Variants in SYNPO2 observed in about 807,000 individuals in gnomAD.
SYNPO2 encodes synaptopodin-2.
In SYNPO2, 56 loss-of-function variants were observed where a neutral mutation model predicts 85.0. The ratio of observed to expected loss-of-function variants is 0.66; its 90% CI spans 0.53 to 0.82. The LOEUF (loss-of-function observed/expected upper bound fraction) is 0.82, where lower values mean the gene tolerates loss of function less well. Among genes scored for constraint, SYNPO2 ranks in the 40% least tolerant of loss-of-function variants. The pLI is 0.00. For synonymous variants in SYNPO2, 602 were observed against 591.1 expected, an observed-to-expected ratio of 1.02 and a Z score of -0.27; for missense variants, 1,575 against 1,534.2, an observed-to-expected ratio of 1.03 and a Z score of -0.44.
At chr4:118,863,022 G>C (rs1000665774) in intron 1 of SYNPO2, among the ~76,000 whole-genome samples, 2 of 152,096 alleles carry the variant, frequency 1.3e-5, no homozygotes, top group African/African-American at 2.4e-5. Flanking sequence ...TCTTGGCCAG[G>C]CTGCTCTGGA....
intron 1 of SYNPO2, among the ~76,000 whole-genome samples, chr4:118,876,513 A>G (rs1444399989): frequency 1.3e-5 from 2 of 152,184 alleles, no homozygotes; most frequent in African/African-American, 2.4e-5. Context: ...CAAGATGCCA[A>G]GGAGGCATCT....
At chr4:119,050,964 T>G (rs544532596) in intron 4 of SYNPO2, among the ~76,000 whole-genome samples, 1 of 152,298 alleles carries the variant, frequency 6.6e-6, no homozygotes, top group East Asian at 1.9e-4. Context: ...TGCATTAGCC[T>G]TGCCCAACAA....
chr4:118,976,177 G>A (rs1231517105), intron 1 of SYNPO2, among the ~76,000 whole-genome samples: 1 of 151,986 alleles, frequency 6.6e-6, no homozygotes, highest in East Asian at 2.0e-4. Context: ...TCTGGAGTCT[G>A]TCCCTTCTGA....
chr4:119,006,457 G>A (rs570337714), intron 1 of SYNPO2: 2 of 152,308 alleles, frequency 1.3e-5, no homozygotes, highest in African/African-American at 4.8e-5. Flanking sequence ...ATTACTAAGA[G>A]AAATTATGTG....
At chr4:118,934,289 C>G (rs1212055290) in intron 1 of SYNPO2, among the ~76,000 whole-genome samples, 1 of 152,170 alleles carries the variant, frequency 6.6e-6, no homozygotes, top group African/African-American at 2.4e-5. Context: ...ATCTACTAGT[C>G]TCGTGATGTG....
intron 1 of SYNPO2, among the ~76,000 whole-genome samples, chr4:118,864,152 C>A (rs1231837050): frequency 6.6e-6 from 1 of 152,004 alleles, no homozygotes; most frequent in Non-Finnish European, 1.5e-5. Context: ...GAATGTTGTA[C>A]TTCCATTATT....
intron 4 of SYNPO2, among the ~76,000 whole-genome samples, chr4:119,050,590 C>T (rs1341271622): frequency 6.6e-6 from 1 of 152,210 alleles, no homozygotes; most frequent in East Asian, 1.9e-4. Flanking sequence ...TCAGCCCCCA[C>T]TGCCTGGCAT....
intron 1 of SYNPO2, among the ~76,000 whole-genome samples, chr4:118,905,439 T>TGC (rs1553936602): frequency 2.2e-5 from 2 of 90,190 alleles, no homozygotes; most frequent in East Asian, 5.4e-4. Flanking sequence ...GATGTGTGTG[T>TGC]GTGCGTGTGT....
rs1328570010 is a variant in SYNPO2, at chr4:119,057,566, C to G, written c.3418C>G (p.Leu1140Val). Residue 1140 changes from leucine (L) to valine (V), a missense_variant, in exon 5 of 5, where the codon CTC (leucine) becomes GTC (valine). Physicochemically the swap from Leu to Val is conservative, Grantham distance 32 (BLOSUM62 1). Coordinates refer to ENST00000307142, the MANE Select transcript of SYNPO2 (RefSeq NM_133477.3). ...TPWEAAAKSP[L>V]GLVDDAFQPR... ...TTGGGAAGCAGCAGCAAAGTCTCCTCTCGGTCTAGTGGATGATGCTTTCCA... is the reference window on the plus strand; with the variant it reads ...TTGGGAAGCAGCAGCAAAGTCTCCTGTCGGTCTAGTGGATGATGCTTTCCA... The G allele has an allele frequency of 1.2e-6, 2 of 1,613,950 alleles. No homozygotes were observed. The highest frequency in any genetic ancestry group is 1.7e-6 in the Non-Finnish European group (2 of 1,180,040).
intron 1 of SYNPO2, among the ~76,000 whole-genome samples, chr4:118,901,501 A>G (rs1732754723): frequency 6.6e-6 from 1 of 151,958 alleles, no homozygotes; most frequent in African/African-American, 2.4e-5. Context: ...CAATATGATG[A>G]AAAGTATCCA....
At chr4:118,942,358 C>A (rs987817009) in intron 1 of SYNPO2, among the ~76,000 whole-genome samples, 1 of 152,152 alleles carries the variant, frequency 6.6e-6, no homozygotes, top group Non-Finnish European at 1.5e-5. Context: ...AACCCCTGTG[C>A]CCGGCATGGG....
In SYNPO2 at chr4:118,942,915, T is replaced by A. The variant is rs549443995; in HGVS notation, c.105+53774T>A. Among the ~76,000 whole-genome samples, 8 of 151,030 alleles carry A rather than the reference T, an allele frequency of 5.3e-5. No homozygotes were observed. In the South Asian group the frequency reaches 1.7e-3, roughly 32 times the overall value. On this transcript the variant is annotated intron_variant, in intron 1 of 4. Transcript: ENST00000307142. ...TGAGGTCAGGAGTTCGAGACCATCC[T>A]GGCCAACATAGTGAAACTCCATCTC... is the stretch of plus-strand genomic sequence containing the variant.
At chr4:119,054,156 G>A (rs528820000) in intron 4 of SYNPO2, among the ~76,000 whole-genome samples, 90 of 152,358 alleles carry the variant, frequency 5.9e-4, no homozygotes, top group African/African-American at 1.6e-3. Context: ...TGGCCACTCC[G>A]GGCGCCAGCA....
chr4:118,890,733 CTGTGTG>C lies in SYNPO2; in HGVS notation c.105+1610_105+1615del, dbSNP rs112390582. ...TCTCTCTCTCTCTCTCTCTCTCTCTCTGTGTGTGTGTGTGTGTGTGTGTAGGGAGAG... is the reference window on the plus strand; with the variant it reads ...TCTCTCTCTCTCTCTCTCTCTCTCTCTGTGTGTGTGTGTGTGTAGGGAGAG... On this transcript the variant is annotated intron_variant, in intron 1 of 4. Transcript: ENST00000307142. Among the ~76,000 whole-genome samples the C allele has an allele frequency of 5.5e-5, 7 of 126,226 alleles. No individual in the cohort carries two copies. The South Asian group carries it at 1.1e-3, about 20-fold the overall frequency. 82.8% of individuals were successfully genotyped at this position (126,226 alleles called of 152,430 possible). A position where few individuals can be genotyped will look rare whatever the true frequency, so the allele number is the denominator to read the frequency against.
At chr4:118,852,945 TA>T (rs1367421137) in intron 1 of SYNPO2, among the ~76,000 whole-genome samples, 1 of 152,232 alleles carries the variant, frequency 6.6e-6, no homozygotes, top group Non-Finnish European at 1.5e-5. Flanking sequence ...TACATTTTGT[TA>T]ATATTACCAT....
intron 1 of SYNPO2, among the ~76,000 whole-genome samples, chr4:118,930,855 C>G (rs1733906763): frequency 6.7e-6 from 1 of 149,618 alleles, no homozygotes; most frequent in African/African-American, 2.5e-5. Flanking sequence ...AAGGTTGAGG[C>G]TGCAGTGAGC....
At position 119,030,956 on chromosome 4, in the gene SYNPO2, T is replaced by A; in HGVS notation, c.2181T>A (p.Gly727=). The A allele has an allele frequency of 6.2e-7, 1 of 1,614,064 alleles. No individual in the cohort carries two copies. The highest frequency in any genetic ancestry group is 8.5e-7 in the Non-Finnish European group (1 of 1,180,006). Residue 727 remains glycine, a synonymous_variant, in exon 4 of 5, where the codon GGT becomes GGA. Transcript: ENST00000307142. ...SEGKRGTGAG[G]DSGPEEDYLS... is the part of the protein sequence containing the mutation. ...GCAAACGGGGCACTGGAGCTGGAGG[T>A]GATTCCGGACCGGAAGAAGACTACC... is the stretch of plus-strand genomic sequence containing the variant.
At chr4:118,871,031 A>G (rs779730708) in intron 1 of SYNPO2, among the ~76,000 whole-genome samples, 3 of 152,224 alleles carry the variant, frequency 2.0e-5, no homozygotes, top group Non-Finnish European at 4.4e-5. Flanking sequence ...CTAGGGTTTG[A>G]ATTCATGCCA....
intron 1 of SYNPO2, among the ~76,000 whole-genome samples, chr4:118,877,553 C>T (rs1731948483): frequency 6.6e-6 from 1 of 152,158 alleles, no homozygotes; most frequent in Admixed American, 6.5e-5. Flanking sequence ...AGGACGTGAA[C>T]AAGCACTTTT....
Sources: gnomAD v4.1 joint callset for allele counts (sites outside exome capture counted in the v4.1 genomes callset) on GRCh38, gnomAD v4.1.1 for gene constraint, MANE v1.5 for transcripts, NCBI Gene and HGNC (gene_info 2026-07-23, HGNC 2026-07-21) for gene names.